The following ESRRG variants were observed in gnomAD, a reference collection of about 807,000 sequenced individuals.
The protein encoded by ESRRG is estrogen related receptor gamma.
In ESRRG, 13 loss-of-function variants were observed where a neutral mutation model predicts 44.0. The observed-to-expected ratio is 0.30, with a 90% CI of 0.19 to 0.47. ESRRG has a LOEUF of 0.47. ESRRG is among the 20% of genes least tolerant of loss of function. The probability of loss-of-function intolerance (pLI) is 1.00; values close to 1 mark genes in which losing one functional copy is unlikely to be tolerated. For synonymous variants in ESRRG, 215 were observed against 214.6 expected, an observed-to-expected ratio of 1.00 and a Z score of -0.02; for missense variants, 395 against 580.6, an observed-to-expected ratio of 0.68 and a Z score of 3.29.
At chr1:216,939,361 A>ACAAAC (rs2064788975) in intron 2 of ESRRG, among the ~76,000 whole-genome samples, 1 of 148,572 alleles carries the variant, frequency 6.7e-6, no homozygotes, top group African/African-American at 2.5e-5. Context: ...AAAAAAAAAA[A>ACAAAC]AAAAAAAAAC....
intron 1 of ESRRG, among the ~76,000 whole-genome samples, chr1:216,976,505 A>C (rs1305453469): frequency 6.6e-6 from 1 of 152,136 alleles, no homozygotes; most frequent in Admixed American, 6.6e-5. Flanking sequence ...CCTTCAGCAG[A>C]TGTAACCTTC....
At chr1:216,775,878 A>C (rs148256118) in intron 2 of ESRRG, among the ~76,000 whole-genome samples, 1 of 151,570 alleles carries the variant, frequency 6.6e-6, no homozygotes, top group Admixed American at 6.6e-5. Context: ...TTTTTATACA[A>C]TATCACCCCC....
At position 216,745,205 on chromosome 1, in the gene ESRRG, CTGG is replaced by C. The variant is rs2091251877; in HGVS notation, c.-13-67717_-13-67715del. 2.0e-5 allele frequency among the ~76,000 whole-genome samples: 3 copies of C among 152,096 alleles called. 1 individual carries two copies. The South Asian group carries it at 6.2e-4, about 32-fold the overall frequency. ...GTCGAGTCTCACTCTGTCACCCAGG[CTGG>C]AGTGCAGTGGCACAACCATGACACA... On this transcript the variant is annotated intron_variant, in intron 2 of 7. Transcript: ENST00000359162.
chr1:216,524,242 T>C, intron 5 of ESRRG, among the ~76,000 whole-genome samples: 1 of 128,588 alleles, frequency 7.8e-6, no homozygotes, highest in Admixed American at 8.2e-5. Flanking sequence ...TATATATATA[T>C]ATGTAAGTTA....
intron 2 of ESRRG, among the ~76,000 whole-genome samples, chr1:216,776,721 C>T (rs990365390): frequency 1.3e-5 from 2 of 152,054 alleles, no homozygotes; most frequent in African/African-American, 4.8e-5. Flanking sequence ...AAGAATATTC[C>T]ATGGCTTCCA....
intron 1 of ESRRG, among the ~76,000 whole-genome samples, chr1:216,965,364 T>G (rs975842264): frequency 6.6e-6 from 1 of 152,096 alleles, no homozygotes; most frequent in Non-Finnish European, 1.5e-5. Flanking sequence ...AATTTTTTAA[T>G]GCAAGGCTTC....
chr1:216,766,377 C>T (rs964272567), intron 2 of ESRRG, among the ~76,000 whole-genome samples: 5 of 151,876 alleles, frequency 3.3e-5, no homozygotes, highest in Non-Finnish European at 5.9e-5. Flanking sequence ...AGAGAGTGGG[C>T]GAAAATCATC....
At chr1:216,629,688 C>T (rs1463799839) in intron 3 of ESRRG, among the ~76,000 whole-genome samples, 1 of 152,108 alleles carries the variant, frequency 6.6e-6, no homozygotes, top group African/African-American at 2.4e-5. Flanking sequence ...AACTTGCGCA[C>T]TGAATAGAAC....
intron 3 of ESRRG, among the ~76,000 whole-genome samples, chr1:216,591,536 A>G (rs1422856775): frequency 6.6e-6 from 1 of 152,224 alleles, no homozygotes; most frequent in Non-Finnish European, 1.5e-5. Flanking sequence ...CAAAAACAAT[A>G]ACAGTAGTAT....
At chr1:217,039,330 G>A (rs146930525) in intron 1 of ESRRG, among the ~76,000 whole-genome samples, 15 of 152,174 alleles carry the variant, frequency 9.9e-5, no homozygotes, top group African/African-American at 2.9e-4. Flanking sequence ...GTATTAGTGC[G>A]TTTTCATGCT....
rs557252906 is a variant in ESRRG at position 216,951,749 on chromosome 1, G to GTA, written c.-105-12077_-105-12076insTA. Among the ~76,000 whole-genome samples, 956 of 150,062 alleles carry GTA rather than the reference G, an allele frequency of 6.4e-3. 16 individuals carry two copies. The highest frequency in any genetic ancestry group is 0.026 in the South Asian group (124 of 4,742). On this transcript the variant is annotated intron_variant, in intron 1 of 7. Coordinates refer to the ESRRG transcript ENST00000359162. ...TGTGTGTGTGTGTGTGTGTGTGTGT[G>GTA]TGTGTGTGTATACAGCAAAAAATAA...
chr1:216,550,120 T>C lies in ESRRG; in HGVS notation c.862+14099A>G, dbSNP rs10863251. On this transcript the variant is annotated intron_variant, in intron 5 of 6. Transcript: ENST00000408911. ...GCATGAACCGCTAGGAATAATGTAG[T>C]GTGATGACAAGCCAGTTATACCTTC... Among the ~76,000 whole-genome samples the C allele has an allele frequency of 8.4e-3, 1,279 of 152,262 alleles. 17 individuals are homozygous for C. The highest frequency in any genetic ancestry group is 0.03 in the African/African-American group (1,236 of 41,568).
intron 1 of ESRRG, among the ~76,000 whole-genome samples, chr1:216,988,744 T>C (rs1379687733): frequency 6.6e-6 from 1 of 152,212 alleles, no homozygotes; most frequent in African/African-American, 2.4e-5. Flanking sequence ...GATATCTTCC[T>C]AGATGATTCA....
intron 1 of ESRRG, among the ~76,000 whole-genome samples, chr1:216,709,725 TC>T (rs2083220739): frequency 6.6e-6 from 1 of 151,970 alleles, no homozygotes. Context: ...GTATGTATAC[TC>T]TCTAATGAAA....
intron 1 of ESRRG, among the ~76,000 whole-genome samples, chr1:217,019,472 T>C (rs930750473): frequency 2.0e-5 from 3 of 152,046 alleles, no homozygotes; most frequent in Admixed American, 6.5e-5. Context: ...AGCATATCCA[T>C]GGTAAGGAGA....
intron 2 of ESRRG, among the ~76,000 whole-genome samples, chr1:216,811,388 T>C (rs1421991369): frequency 6.6e-6 from 1 of 152,162 alleles, no homozygotes; most frequent in Middle Eastern, 3.2e-3. Context: ...ATTTTCAATA[T>C]AAATGTAATG....
At chr1:216,635,354 C>T (rs1261935449) in intron 3 of ESRRG, among the ~76,000 whole-genome samples, 1 of 151,842 alleles carries the variant, frequency 6.6e-6, no homozygotes, top group Non-Finnish European at 1.5e-5. Context: ...AGCTTTGAAC[C>T]CAAGTTGTTT....
In ESRRG at chr1:216,985,330, C is replaced by G. The variant is rs551916325; in HGVS notation, c.-105-45657G>C. Among the ~76,000 whole-genome samples, 13 of 152,310 alleles carry G rather than the reference C, an allele frequency of 8.5e-5. No homozygotes were observed. The South Asian group carries it at 2.7e-3, about 32-fold the overall frequency. Reference sequence around the variant, plus strand: ...GCCTTTCCCAACCCACCTCCACGCACTGGAAGAGGTGAGCCATTACAACTC... The same window carrying G: ...GCCTTTCCCAACCCACCTCCACGCAGTGGAAGAGGTGAGCCATTACAACTC... On this transcript the variant is annotated intron_variant, in intron 1 of 7. Transcript: ENST00000359162.
intron 1 of ESRRG, among the ~76,000 whole-genome samples, chr1:217,026,996 TCTGA>T (rs1447988334): frequency 1.3e-5 from 2 of 151,770 alleles, no homozygotes; most frequent in Non-Finnish European, 2.9e-5. Flanking sequence ...CCAGATTTTC[TCTGA>T]CTATGTAAGA....
Sources: gnomAD v4.1 joint callset for allele counts (sites outside exome capture counted in the v4.1 genomes callset) on GRCh38, gnomAD v4.1.1 for gene constraint, MANE v1.5 for transcripts, NCBI Gene and HGNC (gene_info 2026-07-23, HGNC 2026-07-21) for gene names.